LRRIQ1: variants seen among roughly 807,000 people sequenced by gnomAD.
The protein encoded by LRRIQ1 is leucine rich repeats and IQ motif containing 1, also known as leucine-rich repeat- and IQ domain-containing protein 1.
In LRRIQ1, 210 loss-of-function variants were observed where a neutral mutation model predicts 211.9. The ratio of observed to expected loss-of-function variants is 0.99; its 90% CI spans 0.89 to 1.11. The LOEUF (loss-of-function observed/expected upper bound fraction) is 1.11, where lower values mean the gene tolerates loss of function less well. Among genes scored for constraint, LRRIQ1 ranks in the 50% most tolerant of loss-of-function variants. LRRIQ1 has a pLI of 0.00. For synonymous variants in LRRIQ1, 699 were observed against 650.1 expected, an observed-to-expected ratio of 1.08 and a Z score of -1.14; for missense variants, 2,136 against 1,939.5, an observed-to-expected ratio of 1.10 and a Z score of -1.90.
chr12:85,092,088 T>C (rs1018526232), intron 11 of LRRIQ1, among the ~76,000 whole-genome samples: 3 of 152,142 alleles, frequency 2.0e-5, no homozygotes, highest in Admixed American at 2.0e-4. Flanking sequence ...GCACACTCCT[T>C]ACGATAATCT....
Position 85,047,477 on chromosome 12 carries a change from T to G in LRRIQ1, c.678+7T>G. On this transcript the variant is annotated splice_region_variant and intron_variant, in intron 6 of 26. Transcript: ENST00000393217. ...ATTAGAGAACATTCAGAAGGTATTT[T>G]GCTTTTGTTTTTCATGTATTTTTAA... 1.9e-6 allele frequency: 3 copies of G among 1,605,236 alleles called. No individual in the cohort carries two copies. The highest frequency in any genetic ancestry group is 2.6e-6 in the Non-Finnish European group (3 of 1,176,270).
At chr12:85,090,483 G>A (rs1457135223) in intron 11 of LRRIQ1, among the ~76,000 whole-genome samples, 6 of 152,204 alleles carry the variant, frequency 3.9e-5, no homozygotes, top group Non-Finnish European at 7.3e-5. Context: ...TAAAGCTACA[G>A]CAGTGGAGTT....
chr12:85,114,468 A>T (rs947859442), intron 15 of LRRIQ1, among the ~76,000 whole-genome samples: 1 of 152,166 alleles, frequency 6.6e-6, no homozygotes, highest in Non-Finnish European at 1.5e-5. Context: ...TGTCTCAAAT[A>T]ATCTTTCAAT....
At chr12:85,229,783 A>G in intron 25 of LRRIQ1, 134 bp downstream of exon 25, 2 of 773,196 alleles carry the variant, frequency 2.6e-6, no homozygotes, top group Middle Eastern at 3.8e-4. Flanking sequence ...GGTAATACAA[A>G]GGCCTTTCAT....
chr12:85,225,564 G>T (rs1351059894), intron 24 of LRRIQ1, among the ~76,000 whole-genome samples: 1 of 152,146 alleles, frequency 6.6e-6, no homozygotes, highest in African/African-American at 2.4e-5. Flanking sequence ...GTGTTTTGAA[G>T]TAAAAAGCAT....
At chr12:85,164,220 T>G (rs1891040891) in intron 24 of LRRIQ1, among the ~76,000 whole-genome samples, 1 of 152,168 alleles carries the variant, frequency 6.6e-6, no homozygotes, top group African/African-American at 2.4e-5. Flanking sequence ...ATTGTTTAGT[T>G]TGGAGCTCTG....
At chr12:85,087,928 A>G (rs1327453779) in intron 11 of LRRIQ1, among the ~76,000 whole-genome samples, 14 of 152,182 alleles carry the variant, frequency 9.2e-5, no homozygotes, top group African/African-American at 1.2e-4. Flanking sequence ...TTCTTTTGCG[A>G]TGCAGAAGCT....
intron 14 of LRRIQ1, among the ~76,000 whole-genome samples, chr12:85,105,909 G>A (rs1306118663): frequency 6.7e-6 from 1 of 148,682 alleles, no homozygotes; most frequent in African/African-American, 2.5e-5. Context: ...TGATTCTCCT[G>A]CCTCAGCTTC....
intron 24 of LRRIQ1, among the ~76,000 whole-genome samples, chr12:85,194,356 T>G (rs1376786675): frequency 2.4e-5 from 3 of 124,792 alleles, no homozygotes; most frequent in African/African-American, 6.3e-5. Context: ...CCACCCCAAA[T>G]CAACAGAATA....
Position 85,098,489 on chromosome 12 carries a change from G to C in LRRIQ1, c.3022G>C (p.Gly1008Arg), listed in dbSNP as rs546339113. The change falls in exon 12 of 27, where the codon GGC becomes CGC. Residue 1008 changes from glycine to arginine, a missense_variant. By Grantham distance (125) the Gly-to-Arg change is moderately radical. Transcript: ENST00000393217. ...CSHNHLTDVEGVENCGLLQIL... is the reference protein window; with the variant it reads ...CSHNHLTDVERVENCGLLQIL... ...CCATAATCATCTTACTGATGTAGAG[G>C]GCGTTGAAAATTGTGGATTGCTCCA... is the stretch of plus-strand genomic sequence containing the variant. The C allele has an allele frequency of 6.1e-5, 98 of 1,610,824 alleles. 1 individual carries two copies. In the South Asian group the frequency reaches 1.0e-3, roughly 17 times the overall value.
At chr12:85,059,050 G>T (rs1881475589) in intron 8 of LRRIQ1, among the ~76,000 whole-genome samples, 1 of 151,994 alleles carries the variant, frequency 6.6e-6, no homozygotes, top group Non-Finnish European at 1.5e-5. Context: ...TAAAGATTCT[G>T]TTTGGTAGAT....
intron 19 of LRRIQ1, among the ~76,000 whole-genome samples, chr12:85,138,285 A>G (rs1370199876): frequency 1.3e-5 from 2 of 151,582 alleles, no homozygotes; most frequent in African/African-American, 4.8e-5. Context: ...AGTCTTACTA[A>G]TGCCCTATAT....
chr12:85,178,984 AGT>A (rs1891853156), intron 24 of LRRIQ1, among the ~76,000 whole-genome samples: 2 of 151,724 alleles, frequency 1.3e-5, no homozygotes, highest in South Asian at 4.2e-4. Context: ...ATATTTTAGG[AGT>A]GTACAACACA....
chr12:85,126,693 A>G (rs1189444409), intron 17 of LRRIQ1, among the ~76,000 whole-genome samples: 1 of 152,262 alleles, frequency 6.6e-6, no homozygotes, highest in Non-Finnish European at 1.5e-5. Flanking sequence ...AACAGATTGG[A>G]GCCTTCTACT....
At chr12:85,271,888 C>T in the LRRIQ1 span, among the ~76,000 whole-genome samples, 2 of 151,958 alleles carry the variant, frequency 1.3e-5, no homozygotes, top group Non-Finnish European at 2.9e-5. Context: ...AGATGGCCAA[C>T]CTAGGAATGC....
intron 11 of LRRIQ1, among the ~76,000 whole-genome samples, chr12:85,074,319 G>A (rs1236239603): frequency 6.6e-6 from 1 of 151,470 alleles, no homozygotes; most frequent in Non-Finnish European, 1.5e-5. Context: ...TATTTTTGTG[G>A]GTACATGGTA....
exon 2 of LRRIQ1, chr12:85,263,919 T>C (rs1593038284): frequency 6.6e-6 from 1 of 152,166 alleles, no homozygotes; most frequent in South Asian, 2.1e-4. Flanking sequence ...TTAGTAAATT[T>C]ACAAAATGCT....
At chr12:85,205,990 C>T (rs1040089074) in intron 24 of LRRIQ1, among the ~76,000 whole-genome samples, 1 of 152,122 alleles carries the variant, frequency 6.6e-6, no homozygotes, top group African/African-American at 2.4e-5. Context: ...TGGGAACTTG[C>T]TGGATTGTAA....
At chr12:85,185,078 T>C (rs2136906065) in intron 24 of LRRIQ1, among the ~76,000 whole-genome samples, 1 of 152,024 alleles carries the variant, frequency 6.6e-6, no homozygotes, top group Non-Finnish European at 1.5e-5. Context: ...CTAAAAACTA[T>C]AGGGTTGATT....
Sources: gnomAD v4.1 joint callset for allele counts (sites outside exome capture counted in the v4.1 genomes callset) on GRCh38, gnomAD v4.1.1 for gene constraint, MANE v1.5 for transcripts, NCBI Gene and HGNC (gene_info 2026-07-23, HGNC 2026-07-21) for gene names.